ITGA2: variants seen among roughly 807,000 people sequenced by gnomAD.
ITGA2 encodes the protein integrin alpha-2.
A neutral mutation model predicts 146.3 loss-of-function variants in ITGA2; 101 were observed. The ratio of observed to expected loss-of-function variants is 0.69; its 90% CI spans 0.59 to 0.81. The LOEUF is 0.81. ITGA2 is among the 40% of genes least tolerant of loss of function. The probability of loss-of-function intolerance (pLI) is 0.00; values close to 1 mark genes in which losing one functional copy is unlikely to be tolerated. For missense variants in ITGA2, 1,281 were observed against 1,402.7 expected, an observed-to-expected ratio of 0.91 and a Z score of 1.39; for synonymous variants, 477 against 487.1, an observed-to-expected ratio of 0.98 and a Z score of 0.27.
intron 1 of ITGA2, among the ~76,000 whole-genome samples, chr5:53,006,015 C>G (rs761129994): frequency 6.6e-6 from 1 of 151,880 alleles, no homozygotes; most frequent in African/African-American, 2.4e-5. Context: ...TGAACAATGA[C>G]AAGACATGGA....
intron 4 of ITGA2, among the ~76,000 whole-genome samples, chr5:53,046,210 A>G (rs961865771): frequency 9.2e-5 from 14 of 151,420 alleles, no homozygotes; most frequent in African/African-American, 2.9e-4. Context: ...AAAAAAAAAA[A>G]AAAAAGAAAA....
rs764755296 is a variant in ITGA2 at position 53,048,492 on chromosome 5, T to G, written c.502+15T>G. 6 of 1,612,844 alleles carry G rather than the reference T, an allele frequency of 3.7e-6. No homozygotes were observed. Among genetic ancestry groups the G allele is most frequent in the Non-Finnish European group, 5.1e-6 (6 of 1,178,832 alleles). ...TGCAACTCAGCGTAAGTTATTAATG[T>G]GCAGATGGTCTGAGCAATGCCTTAC... On this transcript the variant is annotated intron_variant, in intron 5 of 29. Transcript: ENST00000296585.
At chr5:53,022,672 T>C (rs1449600955) in intron 1 of ITGA2, among the ~76,000 whole-genome samples, 4 of 152,110 alleles carry the variant, frequency 2.6e-5, no homozygotes, top group Non-Finnish European at 5.9e-5. Context: ...ACTCAAGCAA[T>C]ACTCTCATCT....
At chr5:53,071,768 A>G (rs1561143026) in intron 17 of ITGA2, among the ~76,000 whole-genome samples, 170 bp from the exon 18 acceptor site, 1 of 151,970 alleles carries the variant, frequency 6.6e-6, no homozygotes, top group Admixed American at 6.6e-5. Flanking sequence ...AGGATGGAAG[A>G]AAAGAAGCGA....
intron 1 of ITGA2, among the ~76,000 whole-genome samples, chr5:53,003,730 T>G (rs1741694235): frequency 1.3e-5 from 2 of 152,014 alleles, no homozygotes; most frequent in African/African-American, 4.8e-5. Context: ...GGATGGGGAG[T>G]GTCAAAAGAT....
In ITGA2 at chr5:53,094,776, G is replaced by A. The variant is rs1383366546; in HGVS notation, c.*4177G>A. ...AGCCATTTTCTTTGGGCTTTTATAA[G>A]TTATATATTTTACTATTTTTATCTT... On this transcript the variant is annotated 3_prime_UTR_variant, in exon 30 of 30. Transcript: ENST00000296585. The A allele has an allele frequency of 1.3e-5, 2 of 152,064 alleles. No individual in the cohort carries two copies. Among genetic ancestry groups the A allele is most frequent in the African/African-American group, 2.4e-5 (1 of 41,402 alleles). The allele number at this position is 152,064 out of a possible 1,614,324, so 9.4% of individuals were successfully genotyped here. A position where few individuals can be genotyped will look rare whatever the true frequency, so the allele number is the denominator to read the frequency against.
chr5:53,034,618 C>T (rs568858518), intron 2 of ITGA2, among the ~76,000 whole-genome samples: 16 of 152,196 alleles, frequency 1.1e-4, no homozygotes, highest in Non-Finnish European at 2.2e-4. Flanking sequence ...CCATGCCTCA[C>T]CAACAAGTCT....
rs774099969 is a variant in ITGA2 at position 53,081,688 on chromosome 5, AAAG to A, written c.3139_3141del (p.Glu1047del). 18 of 1,608,696 alleles carry A rather than the reference AAAG, an allele frequency of 1.1e-5. No individual in the cohort carries two copies. The highest frequency in any genetic ancestry group is 1.7e-5 in the Admixed American group (1 of 59,842). ...CAAAAGTGAAAATTTCAGGCACACC[AAAG>A]AATTGGTGAGGACAAGTTAACGTGT... is the stretch of plus-strand genomic sequence containing the variant. On this transcript the variant is annotated inframe_deletion, in exon 26 of 30. Transcript: ENST00000296585.
intron 4 of ITGA2, among the ~76,000 whole-genome samples, chr5:53,046,056 T>A (rs1744066346): frequency 6.6e-6 from 1 of 151,724 alleles, no homozygotes; most frequent in South Asian, 2.1e-4. Flanking sequence ...CCAGGAGTGG[T>A]GGCACACACC....
chr5:53,053,321 A>G (rs960911056), intron 7 of ITGA2, among the ~76,000 whole-genome samples: 2 of 152,146 alleles, frequency 1.3e-5, no homozygotes, highest in African/African-American at 4.8e-5. Context: ...TACTGTCTCT[A>G]TTCAGGGACA....
intron 15 of ITGA2, among the ~76,000 whole-genome samples, chr5:53,066,780 C>A (rs561656328): frequency 6.6e-6 from 1 of 151,538 alleles, no homozygotes; most frequent in Non-Finnish European, 1.5e-5. Context: ...ATACTTAAGA[C>A]TTTAAAAAAA....
chr5:53,083,402 A>G lies in ITGA2; in HGVS notation c.3207A>G (p.Gly1069=). 2 of 1,613,656 alleles carry G rather than the reference A, an allele frequency of 1.2e-6. No homozygotes were observed. The highest frequency in any genetic ancestry group is 1.7e-6 in the Non-Finnish European group (2 of 1,179,592). The change falls in exon 27 of 30, where the codon GGA becomes GGG. Residue 1069 remains glycine (G), a synonymous_variant. Transcript: ENST00000296585. The part of the protein sequence containing the change: ...TCWLKDVHMK[G]EYFVNVTTRI... ...GGTTGAAAGACGTTCACATGAAAGGAGAATACTTTGTTAATGTGACTACCA... is the reference window on the plus strand; with the variant it reads ...GGTTGAAAGACGTTCACATGAAAGGGGAATACTTTGTTAATGTGACTACCA...
At chr5:53,074,291 T>C in intron 20 of ITGA2, 94 bp from the exon 21 acceptor site, 2 of 951,988 alleles carry the variant, frequency 2.1e-6, no homozygotes, top group Non-Finnish European at 3.4e-6. Context: ...ACCTTACTGC[T>C]AAAATGCCAC....
At chr5:53,020,685 TA>T (rs1322354070) in intron 1 of ITGA2, among the ~76,000 whole-genome samples, 4 of 150,648 alleles carry the variant, frequency 2.7e-5, no homozygotes, top group Non-Finnish European at 5.9e-5. Context: ...TTATTATTAT[TA>T]TTTTTTTTTT....
chr5:52,989,551 C>T lies in ITGA2; in HGVS notation c.64+19C>T, dbSNP rs766257149. The T allele has an allele frequency of 1.1e-5, 18 of 1,613,920 alleles. No individual in the cohort carries two copies. Among genetic ancestry groups the T allele is most frequent in the South Asian group, 5.5e-5 (5 of 91,072 alleles). On this transcript the variant is annotated intron_variant, in intron 1 of 29. Coordinates refer to ENST00000296585, the MANE Select transcript of ITGA2 (RefSeq NM_002203.4). ...AGTCAAGGTAAGCGGGGATTTCGCT[C>T]TGCATCGGCTGCAGGAGGGACCCGC...
At chr5:52,990,714 A>G (rs576396106) in intron 1 of ITGA2, among the ~76,000 whole-genome samples, 1 of 152,130 alleles carries the variant, frequency 6.6e-6, no homozygotes, top group African/African-American at 2.4e-5. Context: ...CAGGTCAGAG[A>G]TAAGAGAGAA....
intron 1 of ITGA2, among the ~76,000 whole-genome samples, chr5:52,993,185 C>A (rs1285700628): frequency 6.6e-6 from 1 of 152,132 alleles, no homozygotes; most frequent in African/African-American, 2.4e-5. Context: ...TTTGCTGGGT[C>A]CCACCCTAAA....
chr5:53,028,743 T>A (rs1311861435), intron 2 of ITGA2, among the ~76,000 whole-genome samples: 1 of 152,214 alleles, frequency 6.6e-6, no homozygotes, highest in Non-Finnish European at 1.5e-5. Context: ...CCAAAAATCT[T>A]TGACTTGTCT....
intron 23 of ITGA2, among the ~76,000 whole-genome samples, chr5:53,076,316 A>G (rs549802445): frequency 9.2e-5 from 14 of 152,146 alleles, no homozygotes; most frequent in Middle Eastern, 3.4e-3. Flanking sequence ...TCCAGCCCCT[A>G]AGAGCATGGA....
Sources: gnomAD v4.1 joint callset for allele counts (sites outside exome capture counted in the v4.1 genomes callset) on GRCh38, gnomAD v4.1.1 for gene constraint, MANE v1.5 for transcripts, NCBI Gene and HGNC (gene_info 2026-07-23, HGNC 2026-07-21) for gene names.